The following IGSF10 variants were observed in gnomAD, a reference collection of about 807,000 sequenced individuals.
IGSF10 encodes immunoglobulin superfamily member 10.
Under a neutral mutation model 128.2 loss-of-function variants are expected in IGSF10, and 126 were observed. That is an observed-to-expected ratio of 0.98 (90% CI 0.85 to 1.14). The LOEUF is 1.14. Ranked by LOEUF, IGSF10 falls within the 50% of genes most tolerant of loss-of-function variation. The pLI is 0.00. For missense variants in IGSF10, 3,295 were observed against 3,149.8 expected, an observed-to-expected ratio of 1.05 and a Z score of -1.10; for synonymous variants, 1,185 against 1,146.2, an observed-to-expected ratio of 1.03 and a Z score of -0.68.
At chr3:151,484,729 CA>C in the IGSF10 span, among the ~76,000 whole-genome samples, 3,297 of 131,596 alleles carry the variant, frequency 0.025, 85 homozygotes, top group East Asian at 0.065. Context: ...GGAAAACTGA[CA>C]AAAAAAAAAA....
chr3:151,481,241 A>G, the IGSF10 span, among the ~76,000 whole-genome samples: 154 of 152,286 alleles, frequency 1.0e-3, no homozygotes, highest in African/African-American at 3.6e-3. Flanking sequence ...GAACAGGTAT[A>G]GCACCTTGCC....
chr3:151,481,674 T>A, the IGSF10 span, among the ~76,000 whole-genome samples: 1 of 152,054 alleles, frequency 6.6e-6, no homozygotes, highest in East Asian at 1.9e-4. Context: ...TGTAAGACCT[T>A]AAGTCCACAA....
At chr3:151,573,706 T>C in the IGSF10 span, among the ~76,000 whole-genome samples, 1 of 151,226 alleles carries the variant, frequency 6.6e-6, no homozygotes, top group Non-Finnish European at 1.5e-5. Flanking sequence ...TGTCTTTTAA[T>C]TGGGGCATTT....
chr3:151,508,436 C>T, the IGSF10 span, among the ~76,000 whole-genome samples: 125,217 of 152,046 alleles, frequency 0.82, 51,645 homozygotes, highest in Middle Eastern at 0.93. Flanking sequence ...TTGAGTAAAC[C>T]GCAAAAAGGA....
rs1721240101 is a variant in IGSF10 at position 151,447,085 on chromosome 3, G to T, written c.2896C>A (p.His966Asn). 1 of 1,614,178 alleles carries T rather than the reference G, an allele frequency of 6.2e-7. No homozygotes were observed. The highest frequency in any genetic ancestry group is 8.5e-7 in the Non-Finnish European group (1 of 1,180,006). ...GTAGTGTGAGAATAGAAGTGATTGT[G>T]CCTGGGTTCACTCACTTCTCTTACA... is the stretch of plus-strand genomic sequence containing the variant. Reference protein sequence around the residue: ...TSVREVSEPRHNHFYSHTTQI... With the variant: ...TSVREVSEPRNNHFYSHTTQI... The change falls in exon 6 of 8, where the codon CAC becomes AAC. Residue 966 changes from histidine (H) to asparagine (N), a missense_variant. Coordinates refer to ENST00000282466, the MANE Select transcript of IGSF10 (RefSeq NM_178822.5).
chr3:151,447,830 CTTA>C lies in IGSF10; in HGVS notation c.2148_2150del (p.Ser716_Lys717delinsArg). ...GTGTTAATTCCCGATAGTTGTGCCT[CTTA>C]CTTGTGCTTGAGGTGTGTTTTCCAA... On this transcript the variant is annotated inframe_deletion, in exon 6 of 8. Transcript: ENST00000282466. 1.9e-6 allele frequency: 3 copies of C among 1,612,842 alleles called. No homozygotes were observed. The African/African-American group carries it at 4.1e-5, about 22-fold the overall frequency.
chr3:151,592,221 T>TACACACACAC, the IGSF10 span, among the ~76,000 whole-genome samples: 36 of 150,454 alleles, frequency 2.4e-4, no homozygotes, highest in African/African-American at 7.8e-4. Context: ...TTGAGATTAA[T>TACACACACAC]ACACACACAC....
At chr3:151,499,275 G>T in the IGSF10 span, among the ~76,000 whole-genome samples, 3 of 152,098 alleles carry the variant, frequency 2.0e-5, no homozygotes, top group African/African-American at 7.2e-5. Context: ...TTGCTAAAAG[G>T]TAATGCCAAC....
chr3:151,493,254 C>A, the IGSF10 span, among the ~76,000 whole-genome samples: 1 of 152,110 alleles, frequency 6.6e-6, no homozygotes, highest in African/African-American at 2.4e-5. Context: ...AATTATATTA[C>A]TGGTTTTTGT....
At chr3:151,456,471 G>T (rs1242511287) in intron 4 of IGSF10, among the ~76,000 whole-genome samples, 1 of 152,126 alleles carries the variant, frequency 6.6e-6, no homozygotes, top group Non-Finnish European at 1.5e-5. Flanking sequence ...CAGACTTAAA[G>T]GTCTCTATGT....
chr3:151,478,317 T>C, the IGSF10 span, among the ~76,000 whole-genome samples: 1 of 152,232 alleles, frequency 6.6e-6, no homozygotes, highest in Non-Finnish European at 1.5e-5. Flanking sequence ...TTTATTGTCA[T>C]ATTAAACTTT....
chr3:151,525,725 C>A, the IGSF10 span, among the ~76,000 whole-genome samples: 1 of 152,178 alleles, frequency 6.6e-6, no homozygotes, highest in Non-Finnish European at 1.5e-5. Context: ...CCACTCCATA[C>A]CCTTACCCTT....
chr3:151,456,957 C>G, intron 4 of IGSF10, 69 bp downstream of exon 4: 2 of 1,491,466 alleles, frequency 1.3e-6, no homozygotes, highest in East Asian at 2.3e-5. Flanking sequence ...AGATAGGCAG[C>G]CTTTGAAGGT....
the IGSF10 span, among the ~76,000 whole-genome samples, chr3:151,500,676 A>C: frequency 1.3e-5 from 2 of 152,042 alleles, no homozygotes; most frequent in African/African-American, 4.8e-5. Context: ...GCAATAAGTG[A>C]CTCCTAAGTT....
the IGSF10 span, among the ~76,000 whole-genome samples, chr3:151,523,057 C>T: frequency 6.6e-6 from 1 of 152,070 alleles, no homozygotes; most frequent in African/African-American, 2.4e-5. Context: ...AAAGGCAATC[C>T]CATTCACAAT....
Position 151,445,852 on chromosome 3 carries a change from G to C in IGSF10, c.4129C>G (p.Pro1377Ala), listed in dbSNP as rs775700305. 2 of 1,614,222 alleles carry C rather than the reference G, an allele frequency of 1.2e-6. No homozygotes were observed. The highest frequency in any genetic ancestry group is 1.7e-6 in the Non-Finnish European group (2 of 1,180,040). Reference sequence around the variant, plus strand: ...GAAGTTTCGGCTGTGGTTAGAACAGGAGGTGTCATAGCAGTGGGTGTAGTG... The same window carrying C: ...GAAGTTTCGGCTGTGGTTAGAACAGCAGGTGTCATAGCAGTGGGTGTAGTG... ...GFTTPTAMTPPVLTTAETSVK... is the reference protein window; with the variant it reads ...GFTTPTAMTPAVLTTAETSVK... Residue 1377 changes from proline to alanine, a missense_variant, in exon 6 of 8, where the codon CCT becomes GCT. By Grantham distance (27) the Pro-to-Ala change is conservative. Transcript: ENST00000282466.
the IGSF10 span, among the ~76,000 whole-genome samples, chr3:151,618,457 G>T: frequency 6.6e-6 from 1 of 152,186 alleles, no homozygotes; most frequent in Non-Finnish European, 1.5e-5. Context: ...TTTGCCGGGC[G>T]CGGTGGCTCA....
chr3:151,582,297 G>GGGC, the IGSF10 span, among the ~76,000 whole-genome samples: 62 of 114,000 alleles, frequency 5.4e-4, 4 homozygotes, highest in East Asian at 0.015. Context: ...ATATCCGGGG[G>GGGC]GGGGGGCGGG....
chr3:151,530,891 A>C, the IGSF10 span, among the ~76,000 whole-genome samples: 6 of 152,300 alleles, frequency 3.9e-5, no homozygotes, highest in South Asian at 1.2e-3. Context: ...AAATGGGCTA[A>C]ATGCCCCAGT....
Sources: allele counts gnomAD v4.1 joint callset (sites outside exome capture counted in the v4.1 genomes callset), GRCh38; gene constraint gnomAD v4.1.1; transcripts MANE v1.5; gene names NCBI Gene and HGNC (gene_info 2026-07-23, HGNC 2026-07-21).